The following OR9Q1 variants were observed in gnomAD, a reference collection of about 807,000 sequenced individuals.
OR9Q1 encodes the protein olfactory receptor family 9 subfamily Q member 1.
For missense variants in OR9Q1, 374 were observed against 378.8 expected (o/e 0.99, Z 0.11); for synonymous variants, 153 against 148.6 (o/e 1.03, Z -0.22).
At chr11:58,080,096 A>G (rs1272508793) in intron 2 of OR9Q1, among the ~76,000 whole-genome samples, 1 of 152,162 alleles carries the variant, frequency 6.6e-6, no homozygotes, top group African/African-American at 2.4e-5. Context: ...GCACCCAGGT[A>G]GTGAGCATAG....
At chr11:58,054,066 T>G (rs931512370) in intron 1 of OR9Q1, among the ~76,000 whole-genome samples, 16 of 152,220 alleles carry the variant, frequency 1.1e-4, no homozygotes, top group African/African-American at 3.9e-4. Flanking sequence ...CATTACACAA[T>G]GTATATGCCT....
At chr11:58,156,646 C>T (rs146812878) in intron 2 of OR9Q1, among the ~76,000 whole-genome samples, 2 of 152,226 alleles carry the variant, frequency 1.3e-5, no homozygotes, top group East Asian at 3.9e-4. Flanking sequence ...ATAATAAACA[C>T]ATTATTTAGC....
At chr11:58,034,728 T>C (rs934321383) in intron 1 of OR9Q1, among the ~76,000 whole-genome samples, 1 of 141,564 alleles carries the variant, frequency 7.1e-6, no homozygotes, top group Non-Finnish European at 1.5e-5. Flanking sequence ...GTCTTAAGGT[T>C]TCTTTCTTTC....
chr11:58,130,677 C>T (rs1187021039), intron 2 of OR9Q1, among the ~76,000 whole-genome samples: 1 of 151,808 alleles, frequency 6.6e-6, no homozygotes, highest in Non-Finnish European at 1.5e-5. Flanking sequence ...GAAAAATTAG[C>T]CAGGTGTGGT....
intron 1 of OR9Q1, among the ~76,000 whole-genome samples, chr11:58,040,462 C>T (rs992604228): frequency 1.3e-5 from 2 of 152,178 alleles, no homozygotes; most frequent in Non-Finnish European, 2.9e-5. Flanking sequence ...TCTCAAAGAC[C>T]TTTTCCAATG....
At chr11:58,064,371 C>A (rs1367909650) in intron 2 of OR9Q1, among the ~76,000 whole-genome samples, 1 of 152,210 alleles carries the variant, frequency 6.6e-6, no homozygotes, top group East Asian at 1.9e-4. Context: ...TAGCTCTGAT[C>A]TTTCTACCAG....
chr11:58,043,680 G>A (rs1853188501), intron 1 of OR9Q1, among the ~76,000 whole-genome samples: 1 of 152,130 alleles, frequency 6.6e-6, no homozygotes, highest in Non-Finnish European at 1.5e-5. Context: ...CTTGCTTGTT[G>A]TTTAAGGCCT....
intron 2 of OR9Q1, among the ~76,000 whole-genome samples, chr11:58,177,405 C>G (rs1365167783): frequency 6.6e-6 from 1 of 152,144 alleles, no homozygotes; most frequent in Non-Finnish European, 1.5e-5. Flanking sequence ...CCCTTTCTTT[C>G]TTGGTTTCTT....
chr11:58,151,601 T>C (rs557214525), intron 2 of OR9Q1, among the ~76,000 whole-genome samples: 16 of 152,298 alleles, frequency 1.1e-4, no homozygotes, highest in African/African-American at 3.8e-4. Context: ...GTACAGATGT[T>C]AGAGTGCAAG....
At chr11:58,031,444 C>T (rs1451819662) in intron 1 of OR9Q1, 5 of 1,614,156 alleles carry the variant, frequency 3.1e-6, no homozygotes, top group East Asian at 2.2e-5. Flanking sequence ...TCTTGCCAAT[C>T]TACCTCTTGT....
intron 2 of OR9Q1, among the ~76,000 whole-genome samples, chr11:58,140,378 T>A (rs1854234893): frequency 6.6e-6 from 1 of 152,218 alleles, no homozygotes; most frequent in Non-Finnish European, 1.5e-5. Flanking sequence ...ATGTCCTGAA[T>A]GGTATTGCCT....
At chr11:58,088,231 T>A (rs1853652118) in intron 2 of OR9Q1, among the ~76,000 whole-genome samples, 1 of 151,994 alleles carries the variant, frequency 6.6e-6, no homozygotes, top group Non-Finnish European at 1.5e-5. Flanking sequence ...TTGATGAGCA[T>A]TTGGGTTGGC....
intron 2 of OR9Q1, among the ~76,000 whole-genome samples, chr11:58,060,982 T>C (rs1853375530): frequency 1.3e-5 from 2 of 152,188 alleles, no homozygotes; most frequent in Admixed American, 1.3e-4. Context: ...CTCTTTCTAC[T>C]TCAGACTGTT....
At chr11:58,149,793 C>T (rs78631951) in intron 2 of OR9Q1, among the ~76,000 whole-genome samples, 1,532 of 152,284 alleles carry the variant, frequency 0.01, 9 homozygotes, top group Non-Finnish European at 0.015. Context: ...TATCAGAACT[C>T]CACTGCTTTT....
intron 2 of OR9Q1, among the ~76,000 whole-genome samples, chr11:58,133,095 G>T (rs1854159099): frequency 6.6e-6 from 1 of 152,096 alleles, no homozygotes; most frequent in African/African-American, 2.4e-5. Flanking sequence ...AGGACCTTTT[G>T]GTCCTGCTGA....
chr11:58,154,379 ATT>A (rs3085835), intron 2 of OR9Q1, among the ~76,000 whole-genome samples: 1,619 of 140,900 alleles, frequency 0.011, 22 homozygotes, highest in Middle Eastern at 0.038. Flanking sequence ...AATGCAATGG[ATT>A]TTTTTTTTTT....
intron 2 of OR9Q1, among the ~76,000 whole-genome samples, chr11:58,103,998 T>C (rs1178564849): frequency 6.6e-6 from 1 of 152,166 alleles, no homozygotes. Context: ...ACTGCATCAG[T>C]AGCATGGATA....
intron 1 of OR9Q1, among the ~76,000 whole-genome samples, chr11:58,038,075 G>T (rs1223037114): frequency 6.6e-6 from 1 of 151,716 alleles, no homozygotes; most frequent in Non-Finnish European, 1.5e-5. Flanking sequence ...ACGGTAAAAA[G>T]TCTGATGCAT....
chr11:58,080,031 C>T (rs981671723), intron 2 of OR9Q1, among the ~76,000 whole-genome samples: 12 of 151,990 alleles, frequency 7.9e-5, no homozygotes, highest in Non-Finnish European at 1.5e-4. Context: ...TCTAAAATGT[C>T]AACTTTTATT....
Sources: allele counts gnomAD v4.1 joint callset (sites outside exome capture counted in the v4.1 genomes callset), GRCh38; gene constraint gnomAD v4.1.1; transcripts MANE v1.5; gene names NCBI Gene and HGNC (gene_info 2026-07-23, HGNC 2026-07-21).